PCLO: variants seen among roughly 807,000 people sequenced by gnomAD.
PCLO encodes the protein protein piccolo.
A neutral mutation model predicts 427.5 loss-of-function variants in PCLO; 82 were observed. That is an observed-to-expected ratio of 0.19 (90% confidence interval 0.16 to 0.23). The LOEUF is 0.23. PCLO is among the 10% of genes least tolerant of loss of function. The pLI, the probability that PCLO is intolerant of heterozygous loss-of-function variation, is 1.00. For synonymous variants in PCLO, 2,357 were observed against 2,155.4 expected, an observed-to-expected ratio of 1.09 and a Z score of -2.59; for missense variants, 6,239 against 6,115.9, an observed-to-expected ratio of 1.02 and a Z score of -0.67.
chr7:83,111,979 G>T (rs1181379239), intron 3 of PCLO, among the ~76,000 whole-genome samples: 3 of 152,134 alleles, frequency 2.0e-5, no homozygotes, highest in Non-Finnish European at 2.9e-5. Flanking sequence ...CTGTCAAAAA[G>T]TATATTTATA....
chr7:82,949,512 A>G lies in PCLO; in HGVS notation c.11076T>C (p.Ser3692=). The part of the protein sequence containing the change: ...PKPLSPTADE[S]SRAPFQYTEG... Reference sequence around the variant, plus strand: ...CGGTATACTGAAAAGGAGCCCTGGAACTTTCGTCTGCTGTTGGACTCAGAG... The same window carrying G: ...CGGTATACTGAAAAGGAGCCCTGGAGCTTTCGTCTGCTGTTGGACTCAGAG... The change falls in exon 6 of 25, where the codon AGT becomes AGC. Residue 3692 remains serine, a synonymous_variant. Transcript: ENST00000333891. The G allele has an allele frequency of 6.2e-7, 1 of 1,610,952 alleles. No individual in the cohort carries two copies. Among genetic ancestry groups the G allele is most frequent in the Non-Finnish European group, 8.5e-7 (1 of 1,178,620 alleles).
chr7:82,879,546 G>A (rs1421462592), intron 9 of PCLO, 84 bp from the exon 10 acceptor site: 3 of 1,004,680 alleles, frequency 3.0e-6, no homozygotes, highest in Non-Finnish European at 2.9e-6. Flanking sequence ...ACAAAAAGTA[G>A]GTCTGGTATC....
intron 3 of PCLO, among the ~76,000 whole-genome samples, chr7:83,021,014 G>A (rs906958553): frequency 6.6e-6 from 1 of 151,958 alleles, no homozygotes; most frequent in Non-Finnish European, 1.5e-5. Flanking sequence ...TTCTTTCAGG[G>A]CCTGCACACC....
chr7:82,886,779 A>G (rs192472720), intron 9 of PCLO, among the ~76,000 whole-genome samples: 1 of 152,290 alleles, frequency 6.6e-6, no homozygotes, highest in Non-Finnish European at 1.5e-5. Flanking sequence ...AGCGACAAAA[A>G]TGTATTTCAT....
rs772175082 is a variant in PCLO at position 82,952,178 on chromosome 7, T to TCA, written c.8774_8775insTG (p.Glu2925AspfsTer9). ...CGGTTAAATCAACGGGTTTTTCATC[T>TCA]TCTATTATTTTGGTCATCACACTTG... On this transcript the variant is annotated frameshift_variant, in exon 5 of 25. Coordinates refer to ENST00000333891, the MANE Select transcript of PCLO (RefSeq NM_033026.6). LOFTEE classifies it high-confidence loss of function. 2 of 1,212,300 alleles carry TCA rather than the reference T, an allele frequency of 1.6e-6. No individual in the cohort carries two copies. Among genetic ancestry groups the TCA allele is most frequent in the South Asian group, 1.3e-5 (1 of 74,622 alleles). The allele number at this position is 1,212,300 out of a possible 1,614,324, so 75.1% of individuals were successfully genotyped here. A position where few individuals can be genotyped will look rare whatever the true frequency, so the allele number is the denominator to read the frequency against.
chr7:82,971,279 G>A (rs1795897210), intron 3 of PCLO, among the ~76,000 whole-genome samples: 1 of 151,558 alleles, frequency 6.6e-6, no homozygotes, highest in Admixed American at 6.6e-5. Flanking sequence ...ACTCTTCCTG[G>A]AACAGTTAGA....
chr7:83,025,604 T>C (rs375578554), intron 3 of PCLO, among the ~76,000 whole-genome samples: 11 of 152,070 alleles, frequency 7.2e-5, no homozygotes, highest in Non-Finnish European at 1.3e-4. Flanking sequence ...ATACAGAGAA[T>C]GCCACAAAGA....
At chr7:82,939,064 G>A (rs189082619) in intron 6 of PCLO, among the ~76,000 whole-genome samples, 1 of 151,926 alleles carries the variant, frequency 6.6e-6, no homozygotes, top group African/African-American at 2.4e-5. Flanking sequence ...CTGTCTGCCC[G>A]CGAACCTTTC....
chr7:82,824,454 C>A (rs746761266), intron 18 of PCLO, 38 bp from the exon 19 acceptor site: 10 of 1,333,580 alleles, frequency 7.5e-6, no homozygotes. Flanking sequence ...AATTTAGGGA[C>A]TAAAGTATAA....
intron 3 of PCLO, among the ~76,000 whole-genome samples, chr7:83,018,428 T>C (rs1788262792): frequency 6.6e-6 from 1 of 152,024 alleles, no homozygotes; most frequent in Admixed American, 6.6e-5. Context: ...CTTTCTACAC[T>C]TTCTAAATTT....
intron 3 of PCLO, among the ~76,000 whole-genome samples, chr7:83,037,346 A>G (rs1368576699): frequency 3.3e-5 from 5 of 152,086 alleles, no homozygotes; most frequent in Non-Finnish European, 7.4e-5. Context: ...AGATTTTCCA[A>G]TAGCCACCCA....
In PCLO at chr7:82,915,378, A is replaced by C. The variant is rs1379507225; in HGVS notation, c.12608T>G (p.Phe4203Cys). Residue 4203 changes from phenylalanine to cysteine, a missense_variant, in exon 7 of 25, where the codon TTT becomes TGT. Coordinates refer to ENST00000333891, the MANE Select transcript of PCLO (RefSeq NM_033026.6). ...GTCTCTACTTTCTTGAATAGGTGAAAATTTTGACATTTTAGGGTCAATTAG... is the reference window on the plus strand; with the variant it reads ...GTCTCTACTTTCTTGAATAGGTGAACATTTTGACATTTTAGGGTCAATTAG... ...KSLIDPKMSK[F>C]SPIQESRDLE... 6.2e-7 allele frequency: 1 copy of C among 1,613,460 alleles called. No individual in the cohort carries two copies. Among genetic ancestry groups the C allele is most frequent in the South Asian group, 1.1e-5 (1 of 91,066 alleles).
At chr7:82,766,424 AATCT>A (rs1194397138) in intron 22 of PCLO, among the ~76,000 whole-genome samples, 3 of 152,048 alleles carry the variant, frequency 2.0e-5, no homozygotes, top group South Asian at 2.1e-4. Flanking sequence ...TGAGGTGGCA[AATCT>A]ATCTATCAGG....
intron 3 of PCLO, among the ~76,000 whole-genome samples, chr7:83,096,688 ATAAAG>A (rs142887812): frequency 0.44 from 60,286 of 136,154 alleles, 13,783 homozygotes; most frequent in East Asian, 0.7. Flanking sequence ...TTTTAAACAA[ATAAAG>A]TAAACCAGCA....
At chr7:82,855,248 C>T (rs1792772106) in intron 10 of PCLO, among the ~76,000 whole-genome samples, 1 of 152,014 alleles carries the variant, frequency 6.6e-6, no homozygotes, top group African/African-American at 2.4e-5. Context: ...AAGCAAGATA[C>T]TTATAAGTAC....
intron 22 of PCLO, among the ~76,000 whole-genome samples, chr7:82,794,779 G>A (rs886794889): frequency 6.6e-6 from 1 of 151,826 alleles, no homozygotes; most frequent in Admixed American, 6.6e-5. Context: ...TGGCTCTCCA[G>A]TTTATAATTT....
chr7:82,880,738 T>A (rs1168279492), intron 9 of PCLO, among the ~76,000 whole-genome samples: 1 of 152,144 alleles, frequency 6.6e-6, no homozygotes, highest in African/African-American at 2.4e-5. Flanking sequence ...AGAGCCAAGG[T>A]TGAAAACCCC....
chr7:83,039,155 A>G (rs945379637), intron 3 of PCLO, among the ~76,000 whole-genome samples: 1 of 151,996 alleles, frequency 6.6e-6, no homozygotes, highest in South Asian at 2.1e-4. Flanking sequence ...ACTTTTTCCC[A>G]TTTTGTGGGT....
intron 20 of PCLO, among the ~76,000 whole-genome samples, chr7:82,812,589 C>T (rs1791595521): frequency 6.6e-6 from 1 of 151,228 alleles, no homozygotes; most frequent in African/African-American, 2.4e-5. Context: ...TTCATTTTGT[C>T]TTTAATAAAT....
Sources: allele counts gnomAD v4.1 joint callset (sites outside exome capture counted in the v4.1 genomes callset), GRCh38; gene constraint gnomAD v4.1.1; transcripts MANE v1.5; gene names NCBI Gene and HGNC (gene_info 2026-07-23, HGNC 2026-07-21).